Variants in COQ6 observed in about 807,000 individuals in gnomAD.
COQ6 encodes coenzyme Q6, monooxygenase, also known as ubiquinone biosynthesis monooxygenase COQ6, mitochondrial.
COQ6 carries 45 observed loss-of-function variants against 55.5 expected under a neutral mutation model. That is an observed-to-expected ratio of 0.81 (90% CI 0.64 to 1.04). The LOEUF is 1.04. COQ6 is among the 50% of genes least tolerant of loss of function. COQ6 has a pLI of 0.00. For synonymous variants in COQ6, 206 were observed against 230.5 expected, an observed-to-expected ratio of 0.89 and a Z score of 0.96; for missense variants, 550 against 601.3, an observed-to-expected ratio of 0.91 and a Z score of 0.89.
chr14:73,958,894 T>C, intron 5 of COQ6, 77 bp from the exon 6 acceptor site: 3 of 1,586,504 alleles, frequency 1.9e-6, no homozygotes, highest in East Asian at 4.6e-5. Context: ...TGGAGGAAAC[T>C]TTAGGGAGCA....
chr14:73,950,264 G>T, upstream of COQ6: 1 of 1,538,846 alleles, frequency 6.5e-7, no homozygotes, highest in Non-Finnish European at 8.7e-7. Flanking sequence ...GGATTGGAGT[G>T]CTCTGCTCCG....
chr14:73,951,909 G>A (rs2056209320), intron 1 of COQ6, among the ~76,000 whole-genome samples: 2 of 147,556 alleles, frequency 1.4e-5, no homozygotes, highest in South Asian at 2.2e-4. Flanking sequence ...AACTGGAAGG[G>A]GGAGGTTGCA....
intron 3 of COQ6, 117 bp from the exon 4 acceptor site, chr14:73,955,688 C>A: frequency 2.0e-6 from 3 of 1,513,326 alleles, no homozygotes; most frequent in Non-Finnish European, 2.8e-6. Context: ...ATTTTCCTAC[C>A]AGAGAGGCTG....
In COQ6 at chr14:73,961,232, T is replaced by C. The variant is rs751291945; in HGVS notation, c.951T>C (p.Ala317=). Residue 317 remains alanine, a synonymous_variant, in exon 9 of 12, where the codon GCT becomes GCC. Coordinates refer to ENST00000334571, the MANE Select transcript of COQ6 (RefSeq NM_182476.3). The part of the protein sequence containing the change: ...IDTAGAMLQY[A]VSLLKPTKVS... The stretch of plus-strand genomic sequence containing the variant: ...CAGCTGGTGCCATGCTGCAGTATGC[T>C]GTCAGCCTTCTGAAGCCCACTAAGG... 2.5e-6 allele frequency: 4 copies of C among 1,614,164 alleles called. No homozygotes were observed. In the Admixed American group the frequency reaches 5.0e-5, roughly 20 times the overall value.
In COQ6 at chr14:73,961,487, G is replaced by A; in HGVS notation, c.1127G>A (p.Gly376Glu). 1.2e-6 allele frequency: 2 copies of A among 1,614,194 alleles called. No homozygotes were observed. Among genetic ancestry groups the A allele is most frequent in the Non-Finnish European group, 1.7e-6 (2 of 1,180,044 alleles). ...GCCCACAGAGTCCATCCGCTTGCAG[G>A]ACAGGGTGTCAACATGGGCTTTGGG... is the stretch of plus-strand genomic sequence containing the variant. ...DAAHRVHPLAGQGVNMGFGDI... is the reference protein window; with the variant it reads ...DAAHRVHPLAEQGVNMGFGDI... Residue 376 changes from glycine to glutamate, a missense_variant, in exon 10 of 12, where the codon GGA becomes GAA. Physicochemically the swap from Gly to Glu is moderately conservative, Grantham distance 98. Coordinates refer to ENST00000334571, the MANE Select transcript of COQ6 (RefSeq NM_182476.3).
rs2140356361 is a variant in COQ6, at chr14:73,950,540, G to A, written c.163+45G>A. On this transcript the variant is annotated intron_variant, in intron 1 of 11. Coordinates refer to ENST00000334571, the MANE Select transcript of COQ6 (RefSeq NM_182476.3). ...ACTAGTGGCCGGAAACCGGGCCGCG[G>A]AGGCACGATGAGAGCCGTGAGAGCC... 1.9e-6 allele frequency: 3 copies of A among 1,561,634 alleles called. No homozygotes were observed. In the Middle Eastern group the frequency reaches 6.9e-4, roughly 359 times the overall value.
At chr14:73,953,982 A>T (rs969633042) in intron 2 of COQ6, among the ~76,000 whole-genome samples, 2 of 152,230 alleles carry the variant, frequency 1.3e-5, no homozygotes, top group Admixed American at 6.5e-5. Flanking sequence ...ATGTGTGCAC[A>T]TGGAACCAGT....
Position 73,963,089 on chromosome 14 carries a change from T to A in COQ6, c.*90T>A. ...CATATTTTCAAGATCTTATTTAATTTAATAAACTTACTTTACATTAAAATT... is the reference window on the plus strand; with the variant it reads ...CATATTTTCAAGATCTTATTTAATTAAATAAACTTACTTTACATTAAAATT... On this transcript the variant is annotated 3_prime_UTR_variant, in exon 12 of 12. Transcript: ENST00000334571. The A allele has an allele frequency of 9.3e-7, 1 of 1,079,132 alleles. No homozygotes were observed. The highest frequency in any genetic ancestry group is 1.4e-6 in the Non-Finnish European group (1 of 697,968). The allele number at this position is 1,079,132 out of a possible 1,614,324, so 66.8% of individuals were successfully genotyped here.
chr14:73,959,568 A>G, intron 8 of COQ6, 46 bp downstream of exon 8: 1 of 1,613,816 alleles, frequency 6.2e-7, no homozygotes, highest in Non-Finnish European at 8.5e-7. Context: ...AGGGGGAGAT[A>G]CAGAAAGGTG....
At chr14:73,958,046 A>G (rs2056525633) in intron 4 of COQ6, 101 bp from the exon 5 acceptor site, 3 of 901,890 alleles carry the variant, frequency 3.3e-6, no homozygotes, top group South Asian at 1.3e-5. Context: ...ATGACAAGAC[A>G]CTGCTGTCCT....
In COQ6 at chr14:73,961,514, A is replaced by G. The variant is rs1465024429; in HGVS notation, c.1154A>G (p.Asp385Gly). ...AGQGVNMGFG[D>G]ISSLAHHLST... is the part of the protein sequence containing the mutation. ...CAGGGTGTCAACATGGGCTTTGGGG[A>G]TATCTCCAGCTTGGCCCATCACCTC... Residue 385 changes from aspartate to glycine, a missense_variant, in exon 10 of 12, where the codon GAT becomes GGT. Asp to Gly is a moderately conservative substitution (Grantham distance 94, BLOSUM62 -1). Coordinates refer to ENST00000334571, the MANE Select transcript of COQ6 (RefSeq NM_182476.3). The G allele has an allele frequency of 1.2e-6, 2 of 1,614,010 alleles. No individual in the cohort carries two copies. Among genetic ancestry groups the G allele is most frequent in the African/African-American group, 1.3e-5 (1 of 74,888 alleles).
At chr14:73,952,725 CT>C (rs1229404780) in intron 1 of COQ6, among the ~76,000 whole-genome samples, 1 of 151,994 alleles carries the variant, frequency 6.6e-6, no homozygotes, top group Non-Finnish European at 1.5e-5. Context: ...GAATTTTGCT[CT>C]TGTTGCCCTG....
chr14:73,960,061 G>A, intron 8 of COQ6: 3 of 1,004,426 alleles, frequency 3.0e-6, no homozygotes, highest in South Asian at 4.2e-5. Flanking sequence ...TGCCTGGGTG[G>A]TGGTTAGCAT....
At chr14:73,959,769 C>T in intron 8 of COQ6, 2 of 1,167,454 alleles carry the variant, frequency 1.7e-6, no homozygotes, top group South Asian at 3.3e-5. Flanking sequence ...GAGGTTTCAC[C>T]ATGTTGGCCA....
intron 1 of COQ6, 71 bp from the exon 2 acceptor site, chr14:73,953,364 G>A (rs2056273760): frequency 7.5e-7 from 1 of 1,328,584 alleles, no homozygotes; most frequent in Non-Finnish European, 1.1e-6. Flanking sequence ...TGGTTACTCT[G>A]TTGTTTCTCT....
rs111695622 is a variant in COQ6, at chr14:73,957,243, G to A, written c.482-904G>A. Among the ~76,000 whole-genome samples the A allele has an allele frequency of 7.2e-5, 11 of 151,856 alleles. 1 individual carries two copies. The highest frequency in any genetic ancestry group is 1.2e-4 in the African/African-American group (5 of 41,418). ...CTCTGGAGTAGCTGGGACTATAGGC[G>A]CCTGCCACCGTGCCCAGCTAATTAT... On this transcript the variant is annotated intron_variant, in intron 4 of 11. Transcript: ENST00000334571.
At chr14:73,958,893 CT>C (rs2056571413) in intron 5 of COQ6, 77 bp from the exon 6 acceptor site, 3 of 1,585,086 alleles carry the variant, frequency 1.9e-6, no homozygotes, top group Non-Finnish European at 1.7e-6. Flanking sequence ...CTGGAGGAAA[CT>C]TTAGGGAGCA....
At chr14:73,961,117 T>G in intron 8 of COQ6, 56 bp from the exon 9 acceptor site, 1 of 1,569,528 alleles carries the variant, frequency 6.4e-7, no homozygotes, top group Non-Finnish European at 8.7e-7. Context: ...TATTGAATTT[T>G]TAATTCCCTG....
At chr14:73,956,191 G>A (rs996273577) in intron 4 of COQ6, 1 of 385,582 alleles carries the variant, frequency 2.6e-6, no homozygotes, top group Non-Finnish European at 5.0e-6. Flanking sequence ...AGCCAGGCAT[G>A]GTGGCGGGCG....
Sources: allele counts gnomAD v4.1 joint callset (sites outside exome capture counted in the v4.1 genomes callset), GRCh38; gene constraint gnomAD v4.1.1; transcripts MANE v1.5; gene names NCBI Gene and HGNC (gene_info 2026-07-23, HGNC 2026-07-21).